Variants in TENM2 observed in about 807,000 individuals in gnomAD.
TENM2 encodes the protein teneurin transmembrane protein 2, also known as teneurin-2.
In TENM2, 52 loss-of-function variants were observed where a neutral mutation model predicts 245.2. That is an observed-to-expected ratio of 0.21 (90% confidence interval 0.17 to 0.27). TENM2 has a LOEUF of 0.27. Among genes scored for constraint, TENM2 ranks in the 10% least tolerant of loss-of-function variants. TENM2 has a pLI of 1.00. For missense variants in TENM2, 3,046 were observed against 3,666.8 expected (o/e 0.83, Z 4.37); for synonymous variants, 1,363 against 1,438.9 (o/e 0.95, Z 1.19).
chr5:167,428,432 C>T (rs903898163), intron 2 of TENM2, among the ~76,000 whole-genome samples: 5 of 152,224 alleles, frequency 3.3e-5, no homozygotes, highest in East Asian at 1.9e-4. Context: ...TCTTCAAATA[C>T]GTTACTAATC....
intron 2 of TENM2, among the ~76,000 whole-genome samples, chr5:167,539,018 T>A (rs1042055423): frequency 1.1e-4 from 16 of 152,198 alleles, no homozygotes; most frequent in African/African-American, 3.9e-4. Flanking sequence ...ATCGTCATTA[T>A]GTTTCAATGT....
At chr5:168,252,977 GT>G (rs1354122106) in intron 27 of TENM2, among the ~76,000 whole-genome samples, 1 of 151,734 alleles carries the variant, frequency 6.6e-6, no homozygotes, top group Non-Finnish European at 1.5e-5. Context: ...GTTTTGTTTT[GT>G]TTTTTTGAGA....
Position 168,178,212 on chromosome 5 carries a change from G to A in TENM2, c.2570-12125G>A, listed in dbSNP as rs772580059. ...CCTTTTCTTTCTGAGGGCCCCAGCA[G>A]GTCACTGTCTGGCACCAGGCTGCCA... On this transcript the variant is annotated intron_variant, in intron 13 of 28. Coordinates refer to ENST00000518659, the Ensembl canonical transcript of TENM2. 9.5e-4 allele frequency among the ~76,000 whole-genome samples: 145 copies of A among 152,222 alleles called. 1 individual carries two copies. The highest frequency in any genetic ancestry group is 9.6e-4 in the Non-Finnish European group (65 of 68,048).
At chr5:167,777,466 AAT>A (rs1290439366) in intron 2 of TENM2, among the ~76,000 whole-genome samples, 1 of 152,220 alleles carries the variant, frequency 6.6e-6, no homozygotes, top group African/African-American at 2.4e-5. Flanking sequence ...TATTTGATCC[AAT>A]CAGTGTTTGG....
chr5:168,067,306 C>T (rs1393988120), intron 7 of TENM2, among the ~76,000 whole-genome samples: 1 of 152,058 alleles, frequency 6.6e-6, no homozygotes, highest in Admixed American at 6.5e-5. Flanking sequence ...TGAGAGGTAT[C>T]TATGGGATGG....
rs368339524 is a variant in TENM2, at chr5:167,992,931, C to G, written c.948-13C>G. ...ACCCATGACCACTCTGACTCTTTCC[C>G]TTTTCCTGGCAGGCACTTCCTCTTC... On this transcript the variant is annotated splice_polypyrimidine_tract_variant and intron_variant, in intron 4 of 28. Coordinates refer to ENST00000518659, the Ensembl canonical transcript of TENM2. The G allele has an allele frequency of 1.2e-6, 2 of 1,610,946 alleles. No homozygotes were observed. The highest frequency in any genetic ancestry group is 1.1e-5 in the South Asian group (1 of 90,988).
intron 5 of TENM2, among the ~76,000 whole-genome samples, chr5:168,005,284 T>C (rs1489711247): frequency 6.6e-6 from 1 of 152,198 alleles, no homozygotes; most frequent in African/African-American, 2.4e-5. Context: ...GTCGTGTTTG[T>C]ATGACTAAGG....
intron 2 of TENM2, among the ~76,000 whole-genome samples, chr5:167,428,761 A>G (rs1764033310): frequency 6.6e-6 from 1 of 152,212 alleles, no homozygotes; most frequent in African/African-American, 2.4e-5. Context: ...GCTTTTATAA[A>G]TGATATCCAC....
intron 2 of TENM2, among the ~76,000 whole-genome samples, chr5:167,466,122 A>C (rs146015695): frequency 6.6e-6 from 1 of 152,260 alleles, no homozygotes; most frequent in African/African-American, 2.4e-5. Context: ...AATCTTCTTG[A>C]AGAGGAGATA....
intron 1 of TENM2, among the ~76,000 whole-genome samples, chr5:167,332,157 GA>G (rs1360390400): frequency 6.6e-6 from 1 of 152,010 alleles, no homozygotes; most frequent in African/African-American, 2.4e-5. Flanking sequence ...ATAATTACAG[GA>G]AAAAAATTTG....
intron 1 of TENM2, among the ~76,000 whole-genome samples, chr5:167,356,074 C>T (rs1279080802): frequency 6.0e-5 from 9 of 149,788 alleles, no homozygotes; most frequent in Admixed American, 2.7e-4. Flanking sequence ...CCCAGCTACT[C>T]GGGAGGCTGA....
intron 2 of TENM2, among the ~76,000 whole-genome samples, chr5:167,377,182 A>G (rs950930711): frequency 6.6e-6 from 1 of 152,192 alleles, no homozygotes; most frequent in African/African-American, 2.4e-5. Flanking sequence ...TCTGAAATTC[A>G]TCATATATTT....
intron 4 of TENM2, among the ~76,000 whole-genome samples, chr5:167,973,163 A>G (rs1456188651): frequency 6.6e-6 from 1 of 152,226 alleles, no homozygotes; most frequent in East Asian, 1.9e-4. Flanking sequence ...ATGATTGTTT[A>G]ACTATTACAG....
At chr5:167,391,810 T>A (rs1291596454) in intron 2 of TENM2, among the ~76,000 whole-genome samples, 1 of 152,048 alleles carries the variant, frequency 6.6e-6, no homozygotes, top group East Asian at 1.9e-4. Flanking sequence ...TTATTAAGAC[T>A]GGAACCTAGG....
intron 2 of TENM2, among the ~76,000 whole-genome samples, chr5:167,413,754 A>G (rs1290255031): frequency 6.6e-6 from 1 of 152,152 alleles, no homozygotes; most frequent in Admixed American, 6.6e-5. Context: ...CATCAAAATA[A>G]CAGAGTGCAA....
At chr5:167,410,103 T>C (rs1325098531) in intron 2 of TENM2, among the ~76,000 whole-genome samples, 1 of 152,070 alleles carries the variant, frequency 6.6e-6, no homozygotes, top group Non-Finnish European at 1.5e-5. Flanking sequence ...GTATGGAGCA[T>C]GTAGACAATT....
the TENM2 span, among the ~76,000 whole-genome samples, chr5:167,275,434 G>A: frequency 6.6e-6 from 1 of 152,012 alleles, no homozygotes; most frequent in African/African-American, 2.4e-5. Context: ...CATTCAATCT[G>A]TATAACAATT....
At chr5:168,056,855 C>T (rs1789582957) in intron 6 of TENM2, among the ~76,000 whole-genome samples, 1 of 152,094 alleles carries the variant, frequency 6.6e-6, no homozygotes, top group Non-Finnish European at 1.5e-5. Context: ...CAGTTGCCTA[C>T]AGTATTCAAT....
intron 3 of TENM2, among the ~76,000 whole-genome samples, chr5:167,880,152 C>T (rs1773758660): frequency 1.3e-5 from 2 of 152,084 alleles, no homozygotes; most frequent in South Asian, 4.2e-4. Flanking sequence ...CATGCCTCAG[C>T]CTCCCTAGTA....
Sources: gnomAD v4.1 joint callset for allele counts (sites outside exome capture counted in the v4.1 genomes callset) on GRCh38, gnomAD v4.1.1 for gene constraint, MANE v1.5 for transcripts, NCBI Gene and HGNC (gene_info 2026-07-23, HGNC 2026-07-21) for gene names.